Variants in CSMD1 observed in about 807,000 individuals in gnomAD.
CSMD1 encodes the protein CUB and sushi domain-containing protein 1.
CSMD1 carries 213 observed loss-of-function variants against 417.5 expected under a neutral mutation model. The observed-to-expected ratio is 0.51, with a 90% CI of 0.46 to 0.57. The LOEUF (loss-of-function observed/expected upper bound fraction) is 0.57, where lower values mean the gene tolerates loss of function less well. Ranked by LOEUF, CSMD1 falls within the 20% of genes least tolerant of loss-of-function variation. The pLI, the probability that CSMD1 is intolerant of heterozygous loss-of-function variation, is 0.00. For synonymous variants in CSMD1, 2,862 were observed against 1,736.8 expected, an observed-to-expected ratio of 1.65 and a Z score of -16.11; for missense variants, 6,923 against 4,529.7, an observed-to-expected ratio of 1.53 and a Z score of -15.17.
rs149443438 is a variant in CSMD1, at chr8:4,262,166, G to C, written c.415+157787C>G. On this transcript the variant is annotated intron_variant, in intron 3 of 69. Coordinates refer to ENST00000635120, the MANE Select transcript of CSMD1 (RefSeq NM_033225.6). ...TCTGCTATTTGTAGATTCTCATTCA[G>C]AGTCATTTGCTTTTGACTCTCTTGG... Among the ~76,000 whole-genome samples the C allele has an allele frequency of 2.5e-3, 387 of 152,240 alleles. 7 individuals carry two copies. Among genetic ancestry groups the C allele is most frequent in the Admixed American group, 0.023 (354 of 15,286 alleles).
intron 1 of CSMD1, among the ~76,000 whole-genome samples, chr8:4,976,686 A>G (rs1367828917): frequency 6.6e-6 from 1 of 152,194 alleles, no homozygotes; most frequent in Non-Finnish European, 1.5e-5. Context: ...ATTTTACTCC[A>G]GCATTTTTAT....
chr8:4,204,970 G>A (rs535074783), intron 3 of CSMD1, among the ~76,000 whole-genome samples: 39 of 152,118 alleles, frequency 2.6e-4, no homozygotes, highest in African/African-American at 8.9e-4. Context: ...TATAAAAATT[G>A]TTTTCTTATT....
At chr8:3,454,825 A>G (rs979330604) in intron 12 of CSMD1, among the ~76,000 whole-genome samples, 4 of 152,000 alleles carry the variant, frequency 2.6e-5, no homozygotes, top group African/African-American at 7.3e-5. Context: ...TCTTTGTGGC[A>G]TTCTCTGTAT....
intron 69 of CSMD1, among the ~76,000 whole-genome samples, chr8:2,938,997 C>T (rs1801680431): frequency 1.3e-5 from 2 of 152,214 alleles, no homozygotes; most frequent in African/African-American, 2.4e-5. Context: ...CAGGGTCTCA[C>T]TCTGTTACCC....
At chr8:4,636,324 T>C (rs1408355918) in intron 2 of CSMD1, among the ~76,000 whole-genome samples, 1 of 152,140 alleles carries the variant, frequency 6.6e-6, no homozygotes, top group African/African-American at 2.4e-5. Flanking sequence ...AAAATATAAT[T>C]TAAAAATGAT....
At chr8:4,021,807 A>T (rs754143637) in intron 4 of CSMD1, among the ~76,000 whole-genome samples, 1 of 152,188 alleles carries the variant, frequency 6.6e-6, no homozygotes, top group Non-Finnish European at 1.5e-5. Flanking sequence ...ATAAAACTAA[A>T]TTAAAGAAAC....
intron 12 of CSMD1, among the ~76,000 whole-genome samples, chr8:3,462,412 G>A (rs960211538): frequency 6.6e-6 from 1 of 152,190 alleles, no homozygotes; most frequent in African/African-American, 2.4e-5. Context: ...GCAGGCAACG[G>A]AGCATTACCA....
chr8:3,415,624 G>C (rs977640310), intron 12 of CSMD1, among the ~76,000 whole-genome samples: 4 of 152,178 alleles, frequency 2.6e-5, no homozygotes, highest in Non-Finnish European at 4.4e-5. Context: ...CCTCCCAACA[G>C]GCTGCGATTA....
chr8:4,210,676 C>G (rs936749853), intron 3 of CSMD1, among the ~76,000 whole-genome samples: 1 of 152,002 alleles, frequency 6.6e-6, no homozygotes, highest in Non-Finnish European at 1.5e-5. Flanking sequence ...CTGAAGAAAG[C>G]CAATTTTCCA....
chr8:4,700,056 C>G (rs577154432), intron 1 of CSMD1, among the ~76,000 whole-genome samples: 2 of 152,292 alleles, frequency 1.3e-5, no homozygotes, highest in African/African-American at 4.8e-5. Flanking sequence ...GGAGAAACCA[C>G]TGAGTCCTTT....
chr8:3,709,457 A>G (rs1224946789), intron 6 of CSMD1, among the ~76,000 whole-genome samples: 1 of 152,048 alleles, frequency 6.6e-6, no homozygotes, highest in African/African-American at 2.4e-5. Flanking sequence ...ACTGCACCAC[A>G]AGGTGCTCAG....
At chr8:4,531,639 G>A (rs994141511) in intron 2 of CSMD1, among the ~76,000 whole-genome samples, 15 of 152,026 alleles carry the variant, frequency 9.9e-5, no homozygotes, top group African/African-American at 3.1e-4. Flanking sequence ...GTGCACCATG[G>A]CCCCACGCTA....
intron 5 of CSMD1, among the ~76,000 whole-genome samples, chr8:3,778,271 G>T (rs1307866171): frequency 6.6e-6 from 1 of 152,042 alleles, no homozygotes; most frequent in Admixed American, 6.6e-5. Flanking sequence ...CATTCTATTT[G>T]CCTGTCAGTA....
Position 2,963,700 on chromosome 8 carries a change from G to C in CSMD1, c.9281-305C>G, listed in dbSNP as rs554031803. ...AGGAAGAAACGTTCTTGCTTAATTT[G>C]TGTCTTTTTATGATGGTTACCAAAG... On this transcript the variant is annotated intron_variant, in intron 59 of 69. Coordinates refer to ENST00000635120, the MANE Select transcript of CSMD1 (RefSeq NM_033225.6). Among the ~76,000 whole-genome samples the C allele has an allele frequency of 3.2e-3, 486 of 152,284 alleles. 2 individuals are homozygous for C. Among genetic ancestry groups the C allele is most frequent in the Admixed American group, 5.0e-3 (77 of 15,306 alleles).
rs116137158 is a variant in CSMD1 at position 3,381,384 on chromosome 8, A to G, written c.2782+6110T>C. The stretch of plus-strand genomic sequence containing the variant: ...ATGCACAGTATCATCCAAGAAAGCC[A>G]TATGTGTTTGCATGGCACATAAACA... On this transcript the variant is annotated intron_variant, in intron 18 of 69. Transcript: ENST00000635120. Among the ~76,000 whole-genome samples, 1,261 of 152,310 alleles carry G rather than the reference A, an allele frequency of 8.3e-3. 18 individuals are homozygous for G. The highest frequency in any genetic ancestry group is 0.029 in the African/African-American group (1,216 of 41,552).
chr8:3,935,417 T>C (rs1810420025), intron 5 of CSMD1, among the ~76,000 whole-genome samples: 1 of 152,192 alleles, frequency 6.6e-6, no homozygotes, highest in South Asian at 2.1e-4. Context: ...TGCAAATAAC[T>C]GGGTTTTTGA....
At chr8:4,452,442 C>T (rs1434899462) in intron 2 of CSMD1, among the ~76,000 whole-genome samples, 1 of 152,200 alleles carries the variant, frequency 6.6e-6, no homozygotes, top group East Asian at 1.9e-4. Flanking sequence ...ACAAATAAGG[C>T]ATTAATCCTG....
chr8:3,428,926 T>G (rs934321692), intron 12 of CSMD1, among the ~76,000 whole-genome samples: 1 of 152,220 alleles, frequency 6.6e-6, no homozygotes, highest in African/African-American at 2.4e-5. Flanking sequence ...TTAAGTAAAG[T>G]GAGCCAGTGA....
chr8:4,770,686 A>G (rs1455836323), intron 1 of CSMD1, among the ~76,000 whole-genome samples: 1 of 151,452 alleles, frequency 6.6e-6, no homozygotes, highest in Non-Finnish European at 1.5e-5. Flanking sequence ...ATTTTCAACA[A>G]GAGTACAAAA....
Sources: allele counts gnomAD v4.1 joint callset (sites outside exome capture counted in the v4.1 genomes callset), GRCh38; gene constraint gnomAD v4.1.1; transcripts MANE v1.5; gene names NCBI Gene and HGNC (gene_info 2026-07-23, HGNC 2026-07-21).